CNBD1: variants seen among roughly 807,000 people sequenced by gnomAD.
CNBD1 encodes cyclic nucleotide-binding domain-containing protein 1.
CNBD1 carries 71 observed loss-of-function variants against 54.4 expected under a neutral mutation model. The observed-to-expected ratio is 1.30, with a 90% confidence interval of 1.08 to 1.59. CNBD1 has a LOEUF of 1.59. Among genes scored for constraint, CNBD1 ranks in the 40% most tolerant of loss-of-function variants. The pLI, the probability that CNBD1 is intolerant of heterozygous loss-of-function variation, is 0.00. For missense variants in CNBD1, 659 were observed against 518.0 expected, an observed-to-expected ratio of 1.27 and a Z score of -2.64; for synonymous variants, 182 against 170.7, an observed-to-expected ratio of 1.07 and a Z score of -0.51.
chr8:86,957,325 A>G (rs182108798), intron 4 of CNBD1, among the ~76,000 whole-genome samples: 29 of 152,330 alleles, frequency 1.9e-4, no homozygotes, highest in African/African-American at 7.0e-4. Context: ...CTTTGGTATC[A>G]GGATGATGCT....
chr8:87,086,262 C>T (rs1384016844), intron 4 of CNBD1, among the ~76,000 whole-genome samples: 1 of 152,184 alleles, frequency 6.6e-6, no homozygotes, highest in Non-Finnish European at 1.5e-5. Context: ...AGTGCCTCTT[C>T]CTCGCATGCT....
rs2130797220 is a variant in CNBD1 at position 87,205,972 on chromosome 8, G to A, written c.432-21G>A. On this transcript the variant is annotated intron_variant, in intron 4 of 10. Coordinates refer to ENST00000518476, the MANE Select transcript of CNBD1 (RefSeq NM_173538.3). Reference sequence around the variant, plus strand: ...CATTTATGCCATGGTCTCTGAATTTGTATTTTTTTTTTTTTTTGAGGCCCA... The same window carrying A: ...CATTTATGCCATGGTCTCTGAATTTATATTTTTTTTTTTTTTTGAGGCCCA... 4 of 1,386,406 alleles carry A rather than the reference G, an allele frequency of 2.9e-6. No homozygotes were observed. In the East Asian group the frequency reaches 1.0e-4, roughly 36 times the overall value. The allele number at this position is 1,386,406 out of a possible 1,614,324, so 85.9% of individuals were successfully genotyped here. A position where few individuals can be genotyped will look rare whatever the true frequency, so the allele number is the denominator to read the frequency against.
At chr8:86,907,669 A>C (rs886984686) in intron 3 of CNBD1, among the ~76,000 whole-genome samples, 1 of 152,054 alleles carries the variant, frequency 6.6e-6, no homozygotes, top group Admixed American at 6.6e-5. Flanking sequence ...TCTATCTAAA[A>C]AAAAAACAAA....
At chr8:87,262,461 G>C (rs2130850096) in intron 6 of CNBD1, among the ~76,000 whole-genome samples, 1 of 152,252 alleles carries the variant, frequency 6.6e-6, no homozygotes, top group African/African-American at 2.4e-5. Context: ...TAAATAAATA[G>C]ACTGAGTAAA....
intron 6 of CNBD1, among the ~76,000 whole-genome samples, chr8:87,246,983 C>T (rs13264977): frequency 1.3e-5 from 2 of 151,818 alleles, no homozygotes; most frequent in African/African-American, 2.4e-5. Flanking sequence ...CAGTGACACC[C>T]GAATTATGTT....
intron 4 of CNBD1, among the ~76,000 whole-genome samples, chr8:86,974,024 A>T (rs1024658544): frequency 3.9e-5 from 6 of 152,092 alleles, no homozygotes; most frequent in Non-Finnish European, 7.4e-5. Context: ...TTTTTTTTAC[A>T]ATGGAAAATA....
At chr8:86,994,795 G>T (rs1388116751) in intron 4 of CNBD1, among the ~76,000 whole-genome samples, 1 of 152,050 alleles carries the variant, frequency 6.6e-6, no homozygotes, top group African/African-American at 2.4e-5. Context: ...AAGTAGGTTG[G>T]TTTTGTTGAT....
At chr8:87,022,610 G>T (rs1809513116) in intron 4 of CNBD1, among the ~76,000 whole-genome samples, 1 of 152,132 alleles carries the variant, frequency 6.6e-6, no homozygotes, top group African/African-American at 2.4e-5. Context: ...TGTTTACTCT[G>T]CCCTTAAATT....
intron 3 of CNBD1, among the ~76,000 whole-genome samples, chr8:86,922,043 C>G (rs553041301): frequency 6.6e-6 from 1 of 152,088 alleles, no homozygotes; most frequent in South Asian, 2.1e-4. Flanking sequence ...GCAGAGGAGG[C>G]TTTCTTGAGG....
At chr8:87,412,696 G>T (rs1222136205) in intron 2 of CNBD1, among the ~76,000 whole-genome samples, 1 of 152,040 alleles carries the variant, frequency 6.6e-6, no homozygotes, top group East Asian at 1.9e-4. Context: ...AAAGTTTGAG[G>T]ACTCATCCAG....
intron 4 of CNBD1, among the ~76,000 whole-genome samples, chr8:87,164,921 A>G (rs1812930205): frequency 6.7e-6 from 1 of 149,760 alleles, no homozygotes; most frequent in Non-Finnish European, 1.5e-5. Flanking sequence ...GATAGCTACT[A>G]TTTTTTTTCT....
At chr8:87,406,774 G>A (rs943992936) in intron 2 of CNBD1, among the ~76,000 whole-genome samples, 3 of 151,916 alleles carry the variant, frequency 2.0e-5, no homozygotes, top group African/African-American at 4.8e-5. Flanking sequence ...CACCGTGCCC[G>A]GCCCTCAGTT....
chr8:87,315,868 T>G (rs1809374490), intron 8 of CNBD1, among the ~76,000 whole-genome samples: 1 of 152,060 alleles, frequency 6.6e-6, no homozygotes, highest in Non-Finnish European at 1.5e-5. Flanking sequence ...AATGTTCCAA[T>G]CACAAAAAAG....
chr8:86,870,662 A>G (rs906534201), intron 1 of CNBD1, among the ~76,000 whole-genome samples: 13 of 152,216 alleles, frequency 8.5e-5, no homozygotes, highest in African/African-American at 2.9e-4. Context: ...GATTAAAGGT[A>G]TATATTTGAA....
rs145460703 is a variant in CNBD1, at chr8:87,413,000, G to C, written c.214-15546G>C. Among the ~76,000 whole-genome samples the C allele has an allele frequency of 3.0e-3, 458 of 152,132 alleles. 5 individuals carry two copies. The highest frequency in any genetic ancestry group is 9.9e-3 in the African/African-American group (411 of 41,530). ...GATAAGCTAGTAATTGATATCTTCAGGGCGAGATACAACAGAACTCGGGTT... is the reference window on the plus strand; with the variant it reads ...GATAAGCTAGTAATTGATATCTTCACGGCGAGATACAACAGAACTCGGGTT... On this transcript the variant is annotated intron_variant, in intron 2 of 7. Transcript: ENST00000521593.
At chr8:87,420,263 C>G (rs1807909017) in intron 2 of CNBD1, among the ~76,000 whole-genome samples, 2 of 151,882 alleles carry the variant, frequency 1.3e-5, no homozygotes, top group South Asian at 4.1e-4. Context: ...TATGTCAACT[C>G]TTGAGGGCAT....
intron 4 of CNBD1, among the ~76,000 whole-genome samples, chr8:87,092,457 A>G (rs918559930): frequency 3.8e-5 from 5 of 130,108 alleles, no homozygotes; most frequent in African/African-American, 1.8e-4. Context: ...ATATACACAT[A>G]TGTGTGTGTG....
At chr8:86,969,086 G>A (rs917173363) in intron 4 of CNBD1, among the ~76,000 whole-genome samples, 4 of 152,120 alleles carry the variant, frequency 2.6e-5, no homozygotes, top group Admixed American at 6.5e-5. Flanking sequence ...TTCCCAGCTC[G>A]AATTTTCCTT....
At chr8:87,328,842 T>G (rs996395035) in intron 8 of CNBD1, among the ~76,000 whole-genome samples, 17 of 152,122 alleles carry the variant, frequency 1.1e-4, no homozygotes, top group Admixed American at 7.9e-4. Context: ...TATTCATAAA[T>G]ATTTTATTCT....
Sources: gnomAD v4.1 joint callset for allele counts (sites outside exome capture counted in the v4.1 genomes callset) on GRCh38, gnomAD v4.1.1 for gene constraint, MANE v1.5 for transcripts, NCBI Gene and HGNC (gene_info 2026-07-23, HGNC 2026-07-21) for gene names.